The following DPYSL2 variants were observed in gnomAD, a reference collection of about 807,000 sequenced individuals.
The protein encoded by DPYSL2 is dihydropyrimidinase like 2, also known as dihydropyrimidinase-related protein 2.
In DPYSL2, 13 loss-of-function variants were observed where a neutral mutation model predicts 69.9. The observed-to-expected ratio is 0.19, with a 90% CI of 0.12 to 0.30. DPYSL2 has a LOEUF of 0.30. Among genes scored for constraint, DPYSL2 ranks in the 10% least tolerant of loss-of-function variants. The pLI is 1.00. For synonymous variants in DPYSL2, 326 were observed against 359.1 expected (o/e 0.91, Z 1.04); for missense variants, 587 against 918.9 (o/e 0.64, Z 4.67).
rs1802425888 is a variant in DPYSL2, at chr8:26,619,143, C to T, written c.629-5000C>T. ...GGAGGGGCCGATAGCTCAGGGAGGT[C>T]ACCAGAGGAAAGGCCTGTGAGCTCT... On this transcript the variant is annotated intron_variant, in intron 3 of 13. Coordinates refer to ENST00000521913, the MANE Select transcript of DPYSL2 (RefSeq NM_001197293.3). The surrounding 1 kb of genome is among the most constrained non-coding windows in gnomAD (Gnocchi z 4.8). Among the ~76,000 whole-genome samples the T allele has an allele frequency of 6.6e-6, 1 of 152,064 alleles. No individual in the cohort carries two copies. Among genetic ancestry groups the T allele is most frequent in the Non-Finnish European group, 1.5e-5 (1 of 67,998 alleles).
chr8:26,552,243 G>A (rs1006602630), intron 1 of DPYSL2, among the ~76,000 whole-genome samples: 2 of 152,114 alleles, frequency 1.3e-5, no homozygotes, highest in African/African-American at 4.8e-5. Context: ...CAAAAACAGT[G>A]CTTAATGAGA....
intron 3 of DPYSL2, among the ~76,000 whole-genome samples, chr8:26,612,948 A>G (rs1318703849): frequency 1.3e-5 from 2 of 152,218 alleles, no homozygotes; most frequent in Admixed American, 6.5e-5. Context: ...TGTCCTGCCT[A>G]CCTTGTTTGA....
At position 26,624,924 on chromosome 8, in the gene DPYSL2, G is replaced by A. The variant is rs537659532; in HGVS notation, c.793+617G>A. ...GTCAACAAGAACCTCGGGGGTTTGC[G>A]GGGAAGAGCCAGGCCACATCATCTT... On this transcript the variant is annotated intron_variant, in intron 4 of 13. Coordinates refer to ENST00000521913, the MANE Select transcript of DPYSL2 (RefSeq NM_001197293.3). This position sits in a 1 kb window ranked among gnomAD's most constrained non-coding sequence, Gnocchi z 4.7. 2.0e-4 allele frequency among the ~76,000 whole-genome samples: 30 copies of A among 152,236 alleles called. No homozygotes were observed. The highest frequency in any genetic ancestry group is 5.2e-4 in the Admixed American group (8 of 15,286).
intron 11 of DPYSL2, among the ~76,000 whole-genome samples, chr8:26,651,695 A>G (rs1459536841): frequency 6.6e-6 from 1 of 152,246 alleles, no homozygotes; most frequent in South Asian, 2.1e-4. Flanking sequence ...AACCAGAAGG[A>G]TAGCTACATA....
rs1802606194 is a variant in DPYSL2, at chr8:26,626,079, A to G, written c.794-538A>G. ...CTAGGGACCTCATACAAGTGGAATC[A>G]TATAGTATTTGTCCTTTTGCAACTG... On this transcript the variant is annotated intron_variant, in intron 4 of 13. Transcript: ENST00000521913. The surrounding 1 kb of genome is among the most constrained non-coding windows in gnomAD (Gnocchi z 4.3). 6.6e-6 allele frequency among the ~76,000 whole-genome samples: 1 copy of G among 152,202 alleles called. No homozygotes were observed. Among genetic ancestry groups the G allele is most frequent in the East Asian group, 1.9e-4 (1 of 5,184 alleles).
intron 1 of DPYSL2, among the ~76,000 whole-genome samples, chr8:26,547,327 C>A (rs1563381576): frequency 6.6e-6 from 1 of 151,258 alleles, no homozygotes; most frequent in South Asian, 2.1e-4. Context: ...TGTGCCACTG[C>A]ACTCCAGCCT....
In DPYSL2 at chr8:26,652,412, C is replaced by T. The variant is rs893446745; in HGVS notation, c.1752C>T (p.Tyr584=). ...GGAAGCCCTTCCCTGATTTTGTTTACAAGCGTATCAAGGCAAGGAGCAGGG... is the reference window on the plus strand; with the variant it reads ...GGAAGCCCTTCCCTGATTTTGTTTATAAGCGTATCAAGGCAAGGAGCAGGG... ...IPRKPFPDFV[Y]KRIKARSRLA... is the part of the protein sequence containing the mutation. The change falls in exon 12 of 14, where the codon TAC becomes TAT. Residue 584 remains tyrosine (Y), a synonymous_variant. Transcript: ENST00000521913. The surrounding 1 kb of genome is among the most constrained non-coding windows in gnomAD (Gnocchi z 6.3). 1.9e-6 allele frequency: 3 copies of T among 1,613,398 alleles called. No individual in the cohort carries two copies. In the African/African-American group the frequency reaches 4.0e-5, roughly 22 times the overall value.
Position 26,612,285 on chromosome 8 carries a change from G to GC in DPYSL2, c.629-11856dup, listed in dbSNP as rs1190796641. Among the ~76,000 whole-genome samples the GC allele has an allele frequency of 2.6e-5, 4 of 152,310 alleles. No homozygotes were observed. In the East Asian group the frequency reaches 7.7e-4, roughly 29 times the overall value. On this transcript the variant is annotated intron_variant, in intron 3 of 13. Coordinates refer to ENST00000521913, the MANE Select transcript of DPYSL2 (RefSeq NM_001197293.3). ...GGTGACACATTTGGAACATAATGTGGCCATCTGTATGAAGAACCATAGTTC... is the reference window on the plus strand; with the variant it reads ...GGTGACACATTTGGAACATAATGTGGCCCATCTGTATGAAGAACCATAGTTC...
intron 8 of DPYSL2, among the ~76,000 whole-genome samples, chr8:26,638,961 G>A (rs548650523): frequency 6.6e-6 from 1 of 152,320 alleles, no homozygotes; most frequent in East Asian, 1.9e-4. Flanking sequence ...AGTGGTGGCC[G>A]TGGGCAGTGC....
At position 26,641,115 on chromosome 8, in the gene DPYSL2, C is replaced by T. The variant is rs761856062; in HGVS notation, c.1127-2324C>T. On this transcript the variant is annotated intron_variant, in intron 8 of 13. Transcript: ENST00000521913. The surrounding 1 kb of genome is among the most constrained non-coding windows in gnomAD (Gnocchi z 4.1). ...GCCACTTTCCAAGAACCAGCCCCTC[C>T]TTGTACTTAAGTTTCTAGAGGCAGG... 2.6e-5 allele frequency among the ~76,000 whole-genome samples: 4 copies of T among 152,176 alleles called. No homozygotes were observed. Among genetic ancestry groups the T allele is most frequent in the Non-Finnish European group, 5.9e-5 (4 of 68,036 alleles).
intron 3 of DPYSL2, among the ~76,000 whole-genome samples, chr8:26,607,989 A>G (rs1174681461): frequency 6.6e-6 from 1 of 151,472 alleles, no homozygotes; most frequent in African/African-American, 2.4e-5. Flanking sequence ...AGGCAGGAGA[A>G]TCGCTTGAAC....
At chr8:26,537,085 T>C (rs1800604093) in intron 1 of DPYSL2, among the ~76,000 whole-genome samples, 1 of 152,142 alleles carries the variant, frequency 6.6e-6, no homozygotes, top group Non-Finnish European at 1.5e-5. Context: ...GATTTTCTGA[T>C]GAGTGACTTA....
Position 26,642,701 on chromosome 8 carries a change from A to C in DPYSL2, c.1127-738A>C, listed in dbSNP as rs953212589. 1.0e-4 allele frequency: 16 copies of C among 152,382 alleles called. No individual in the cohort carries two copies. The highest frequency in any genetic ancestry group is 5.9e-4 in the Admixed American group (9 of 15,310). 9.4% of individuals were successfully genotyped at this position (152,382 alleles called of 1,614,324 possible). A position where few individuals can be genotyped will look rare whatever the true frequency, so the allele number is the denominator to read the frequency against. On this transcript the variant is annotated intron_variant, in intron 8 of 13. Transcript: ENST00000521913. The surrounding 1 kb of genome is among the most constrained non-coding windows in gnomAD (Gnocchi z 5.3). ...GTTTACATCTGAATGGACAGAGAAG[A>C]GGACATGATCTGAGCATCAGGGAGT...
chr8:26,558,086 C>T (rs1369661437), intron 1 of DPYSL2, among the ~76,000 whole-genome samples: 2 of 151,998 alleles, frequency 1.3e-5, no homozygotes, highest in Non-Finnish European at 1.5e-5. Context: ...CAATCATACT[C>T]CTTGGTATTT....
chr8:26,604,013 C>T (rs553768804), intron 3 of DPYSL2, among the ~76,000 whole-genome samples: 4 of 152,114 alleles, frequency 2.6e-5, no homozygotes, highest in East Asian at 1.9e-4. Context: ...ATGGAATTGC[C>T]GCATCATACG....
chr8:26,617,537 G>A lies in DPYSL2; in HGVS notation c.629-6606G>A, dbSNP rs1461847782. ...AAAAGAAAAAAAAATTAAAAGTAGG[G>A]TCATTTAAATATGGCAAACTCCAAA... On this transcript the variant is annotated intron_variant, in intron 3 of 13. Transcript: ENST00000521913. The surrounding 1 kb of genome is among the most constrained non-coding windows in gnomAD (Gnocchi z 4.7). Among the ~76,000 whole-genome samples the A allele has an allele frequency of 6.6e-6, 1 of 152,076 alleles. No homozygotes were observed. Among genetic ancestry groups the A allele is most frequent in the African/African-American group, 2.4e-5 (1 of 41,404 alleles).
rs1028123682 is a variant in DPYSL2 at position 26,647,709 on chromosome 8, G to A, written c.1505G>A (p.Arg502Gln). ...GCCAAAGTCTTCAACCTTTACCCCC[G>A]GAAAGGCCGCATTGCTGTGGGATCC... Reference protein sequence around the residue: ...NAAKVFNLYPRKGRIAVGSDA... With the variant: ...NAAKVFNLYPQKGRIAVGSDA... The change falls in exon 11 of 14, where the codon CGG becomes CAG. Residue 502 changes from arginine (R) to glutamine (Q), a missense_variant. By Grantham distance (43) the Arg-to-Gln change is conservative (BLOSUM62 1). Around this residue, in one of 3 missense-constraint regions of DPYSL2, gnomAD observed 452 missense variants for 754.3 expected, o/e 0.60. Coordinates refer to ENST00000521913, the MANE Select transcript of DPYSL2 (RefSeq NM_001197293.3). This position sits in a 1 kb window ranked among gnomAD's most constrained non-coding sequence, Gnocchi z 5.1. 2.5e-6 allele frequency: 4 copies of A among 1,613,998 alleles called. No individual in the cohort carries two copies. The highest frequency in any genetic ancestry group is 4.5e-5 in the East Asian group (2 of 44,898).
At chr8:26,576,577 A>G (rs2129707393) in intron 1 of DPYSL2, among the ~76,000 whole-genome samples, 1 of 152,342 alleles carries the variant, frequency 6.6e-6, no homozygotes, top group South Asian at 2.1e-4. Flanking sequence ...AGAGCATCCC[A>G]GCATGGCTTG....
chr8:26,623,760 G>A (rs1442087604), intron 3 of DPYSL2: 1 of 184,942 alleles, frequency 5.4e-6, no homozygotes, highest in Non-Finnish European at 1.1e-5. Context: ...CTGCCGTCTG[G>A]CGGGGGGCGT....
Sources: gnomAD v4.1 joint callset for allele counts (sites outside exome capture counted in the v4.1 genomes callset) on GRCh38, gnomAD v4.1.1 for gene constraint, gnomAD v4.1.1 regional missense constraint, Gnocchi (gnomAD v3.1) non-coding constraint, MANE v1.5 for transcripts, NCBI Gene and HGNC (gene_info 2026-07-23, HGNC 2026-07-21) for gene names.